The following ASPH variants were observed in gnomAD, a reference collection of about 807,000 sequenced individuals.
The protein encoded by ASPH is aspartyl/asparaginyl beta-hydroxylase.
In ASPH, 100 loss-of-function variants were observed where a neutral mutation model predicts 118.4. The ratio of observed to expected loss-of-function variants is 0.84; its 90% CI spans 0.72 to 1.00. The LOEUF is 1.00. Ranked by LOEUF, ASPH falls within the 50% of genes least tolerant of loss-of-function variation. The pLI is 0.00. For synonymous variants in ASPH, 315 were observed against 325.6 expected, an observed-to-expected ratio of 0.97 and a Z score of 0.35; for missense variants, 920 against 919.5, an observed-to-expected ratio of 1.00 and a Z score of -0.01.
At chr8:61,531,919 A>AACACAAT (rs1563720254) in intron 21 of ASPH, among the ~76,000 whole-genome samples, 1 of 152,108 alleles carries the variant, frequency 6.6e-6, no homozygotes, top group East Asian at 1.9e-4. Flanking sequence ...TATATACTAA[A>AACACAAT]GTTTTTCTTC....
At chr8:61,583,541 C>CAACAAAA (rs1838285468) in intron 15 of ASPH, 1 of 112,822 alleles carries the variant, frequency 8.9e-6, no homozygotes, top group Non-Finnish European at 1.8e-5. Context: ...AGGCTCTGTC[C>CAACAAAA]AAAAAAAAAA....
Position 61,569,278 on chromosome 8 carries a change from T to C in ASPH, c.1150-1960A>G, listed in dbSNP as rs549630676. On this transcript the variant is annotated intron_variant, in intron 16 of 24. Transcript: ENST00000379454. ...AGGAGAATGTGTAAAATGTCATCAA[T>C]ATCTCATCAGATTTAGGAGGCTACA... Among the ~76,000 whole-genome samples the C allele has an allele frequency of 2.0e-5, 3 of 152,310 alleles. No individual in the cohort carries two copies. In the South Asian group the frequency reaches 6.2e-4, roughly 32 times the overall value.
chr8:61,576,655 T>A lies in ASPH; in HGVS notation c.1149+117A>T, dbSNP rs55767984. 0.075 allele frequency: 63,145 copies of A among 845,548 alleles called. 3,837 individuals are homozygous for A. Among genetic ancestry groups the A allele is most frequent in the East Asian group, 0.28 (10,861 of 39,186 alleles). The allele number at this position is 845,548 out of a possible 1,614,324, so 52.4% of individuals were successfully genotyped here. On this transcript the variant is annotated intron_variant, in intron 16 of 24. Transcript: ENST00000379454. ...TGTATTTCTTGCTTATGCATATACA[T>A]GAGAAACTGATTCTGTAGAGAAATT...
intron 21 of ASPH, among the ~76,000 whole-genome samples, chr8:61,534,052 A>G (rs1818578584): frequency 6.6e-6 from 1 of 152,106 alleles, no homozygotes; most frequent in African/African-American, 2.4e-5. Context: ...GGATCAAGTA[A>G]TTCTCCTGCC....
At chr8:61,644,424 A>G (rs1473487162) in intron 7 of ASPH, among the ~76,000 whole-genome samples, 176 bp downstream of exon 7, 2 of 152,262 alleles carry the variant, frequency 1.3e-5, no homozygotes, top group Non-Finnish European at 2.9e-5. Context: ...ATCAAAACAC[A>G]AAAAAGTATA....
At chr8:61,679,942 T>TAAAAAAA (rs1334197757) in intron 3 of ASPH, among the ~76,000 whole-genome samples, 2 of 67,778 alleles carry the variant, frequency 3.0e-5, no homozygotes, top group Admixed American at 1.5e-4. Flanking sequence ...TGGGCAATAA[T>TAAAAAAA]AAAAAAAAAA....
chr8:61,586,621 T>A (rs946822889), intron 14 of ASPH, among the ~76,000 whole-genome samples: 1 of 152,182 alleles, frequency 6.6e-6, no homozygotes, highest in Non-Finnish European at 1.5e-5. Context: ...CTCAACTTCC[T>A]GAACACAGGG....
intron 24 of ASPH, among the ~76,000 whole-genome samples, chr8:61,503,732 T>G (rs532857225): frequency 6.6e-6 from 1 of 152,368 alleles, no homozygotes; most frequent in African/African-American, 2.4e-5. Flanking sequence ...GCTGGAGATG[T>G]ACAAACAACA....
chr8:61,589,848 G>A (rs1840563686), intron 14 of ASPH, among the ~76,000 whole-genome samples: 1 of 152,154 alleles, frequency 6.6e-6, no homozygotes, highest in South Asian at 2.1e-4. Context: ...ATAACTAATA[G>A]TTAGAGGAAT....
chr8:61,682,315 C>A (rs1828479880), intron 2 of ASPH: 1 of 981,588 alleles, frequency 1.0e-6, no homozygotes. Context: ...TTCTGACAAA[C>A]CCATAATGGG....
At position 61,567,338 on chromosome 8, in the gene ASPH, T is replaced by C. The variant is rs965283220; in HGVS notation, c.1150-20A>G. On this transcript the variant is annotated intron_variant, in intron 16 of 24. Transcript: ENST00000379454. ...CTCACACTAGAAGAAGTCCCCAGAC[T>C]GGATAAATGTCCCATGACTAGCTGT... The C allele has an allele frequency of 6.2e-7, 1 of 1,602,294 alleles. No individual in the cohort carries two copies. The highest frequency in any genetic ancestry group is 8.5e-7 in the Non-Finnish European group (1 of 1,173,108).
intron 10 of ASPH, among the ~76,000 whole-genome samples, chr8:61,641,079 T>G (rs1234210029): frequency 6.6e-6 from 1 of 152,346 alleles, no homozygotes; most frequent in Non-Finnish European, 1.5e-5. Flanking sequence ...ATTAGATCTA[T>G]TTGTTTGAAA....
chr8:61,678,139 T>C (rs1199155902), intron 3 of ASPH, among the ~76,000 whole-genome samples: 1 of 152,096 alleles, frequency 6.6e-6, no homozygotes, highest in Non-Finnish European at 1.5e-5. Context: ...TAGCAAGTGC[T>C]GACTGGCTTC....
intron 14 of ASPH, among the ~76,000 whole-genome samples, chr8:61,590,946 C>T (rs909364729): frequency 6.6e-6 from 1 of 152,082 alleles, no homozygotes; most frequent in Admixed American, 6.5e-5. Flanking sequence ...GGTCATATAA[C>T]ATTCTATTAC....
chr8:61,590,068 TA>T (rs1459065392), intron 14 of ASPH, among the ~76,000 whole-genome samples: 5 of 152,156 alleles, frequency 3.3e-5, no homozygotes, highest in African/African-American at 1.2e-4. Flanking sequence ...GTTTTGTTTT[TA>T]ATGTGAAAGG....
In ASPH at chr8:61,556,006, G is replaced by A. The variant is rs745877416; in HGVS notation, c.1454C>T (p.Pro485Leu). 1 of 1,613,674 alleles carries A rather than the reference G, an allele frequency of 6.2e-7. No homozygotes were observed. Among genetic ancestry groups the A allele is most frequent in the South Asian group, 1.1e-5 (1 of 90,978 alleles). Residue 485 changes from proline to leucine, a missense_variant, in exon 19 of 25, where the codon CCT becomes CTT. Transcript: ENST00000379454. ...KVYEEVLSVT[P>L]NDGFAKVHYG... ...ATGGACTTTAGCAAAGCCATCATTA[G>A]GTGTCACACTCAGCACCTAAACTCA...
At chr8:61,668,245 G>A (rs200888118) in intron 3 of ASPH, 1 of 1,609,112 alleles carries the variant, frequency 6.2e-7, no homozygotes, top group East Asian at 2.2e-5. Flanking sequence ...TTTAGCCTTA[G>A]TTTTTCTCTT....
At chr8:61,535,464 G>A (rs533492646) in intron 21 of ASPH, among the ~76,000 whole-genome samples, 1 of 152,292 alleles carries the variant, frequency 6.6e-6, no homozygotes, top group East Asian at 1.9e-4. Context: ...TTAAGAAAAA[G>A]AGGCATCGAG....
chr8:61,596,697 A>G (rs1842598756), intron 14 of ASPH, among the ~76,000 whole-genome samples: 1 of 152,276 alleles, frequency 6.6e-6, no homozygotes, highest in Non-Finnish European at 1.5e-5. Flanking sequence ...AATCAAAGAC[A>G]AAGTGCTCTA....
Sources: allele counts gnomAD v4.1 joint callset (sites outside exome capture counted in the v4.1 genomes callset), GRCh38; gene constraint gnomAD v4.1.1; transcripts MANE v1.5; gene names NCBI Gene and HGNC (gene_info 2026-07-23, HGNC 2026-07-21).